The following EPG5 variants were observed in gnomAD, a reference collection of about 807,000 sequenced individuals.
The protein encoded by EPG5 is ectopic P-granules 5 autophagy tethering factor, also known as ectopic P granules protein 5 homolog.
Under a neutral mutation model 302.7 loss-of-function variants are expected in EPG5, and 159 were observed. The ratio of observed to expected loss-of-function variants is 0.53; its 90% CI spans 0.46 to 0.60. The LOEUF is 0.60. Ranked by LOEUF, EPG5 falls within the 20% of genes least tolerant of loss-of-function variation. The pLI is 0.00. For missense variants in EPG5, 2,896 were observed against 3,092.4 expected, an observed-to-expected ratio of 0.94 and a Z score of 1.51; for synonymous variants, 1,158 against 1,136.8, an observed-to-expected ratio of 1.02 and a Z score of -0.37.
At chr18:45,815,333 A>G in the EPG5 span, among the ~76,000 whole-genome samples, 3 of 152,178 alleles carry the variant, frequency 2.0e-5, no homozygotes, top group Non-Finnish European at 4.4e-5. Flanking sequence ...AGAACTCACT[A>G]CAAGTTATTT....
chr18:45,940,177 C>T (rs1196006932), intron 9 of EPG5, among the ~76,000 whole-genome samples: 7 of 152,032 alleles, frequency 4.6e-5, no homozygotes, highest in Non-Finnish European at 7.4e-5. Context: ...AGAGTGTCCA[C>T]GTAGAAGAAA....
chr18:45,811,386 G>C, the EPG5 span, among the ~76,000 whole-genome samples: 4 of 152,210 alleles, frequency 2.6e-5, no homozygotes, highest in African/African-American at 9.7e-5. Context: ...AATAGAGAAA[G>C]AGGGAATCCT....
At chr18:45,879,898 A>G in intron 32 of EPG5, among the ~76,000 whole-genome samples, 177 bp downstream of exon 32, 1 of 152,140 alleles carries the variant, frequency 6.6e-6, no homozygotes, top group East Asian at 1.9e-4. Context: ...AATTAGACTC[A>G]GGGGAATGGG....
intron 27 of EPG5, among the ~76,000 whole-genome samples, chr18:45,896,507 T>C (rs2049479725): frequency 6.6e-6 from 1 of 152,166 alleles, no homozygotes; most frequent in Non-Finnish European, 1.5e-5. Context: ...TCATTACTTT[T>C]CCCCCTTCTT....
chr18:45,966,587 T>C (rs1051018933), intron 1 of EPG5, among the ~76,000 whole-genome samples: 2 of 152,040 alleles, frequency 1.3e-5, no homozygotes, highest in African/African-American at 4.8e-5. Flanking sequence ...ATTCAAACAC[T>C]TCCCTACTGT....
chr18:45,954,885 T>C lies in EPG5; in HGVS notation c.517A>G (p.Arg173Gly). 1 of 1,614,022 alleles carries C rather than the reference T, an allele frequency of 6.2e-7. No homozygotes were observed. Among genetic ancestry groups the C allele is most frequent in the East Asian group, 2.2e-5 (1 of 44,874 alleles). Residue 173 changes from arginine (R) to glycine (G), a missense_variant, in exon 2 of 44, where the codon AGA (arginine) becomes GGA (glycine). Coordinates refer to ENST00000282041, the MANE Select transcript of EPG5 (RefSeq NM_020964.3). Reference sequence around the variant, plus strand: ...TCTTCTTTACTATTCTGAGTTTCTCTGACTTGTATATTTTCCATTGCTGGC... The same window carrying C: ...TCTTCTTTACTATTCTGAGTTTCTCCGACTTGTATATTTTCCATTGCTGGC... ...TQPAMENIQV[R>G]ETQNSKEDKQ...
chr18:45,842,189 G>A, the EPG5 span: 1 of 1,614,006 alleles, frequency 6.2e-7, no homozygotes, highest in East Asian at 2.2e-5. Flanking sequence ...TCACCGTGAG[G>A]AGTCCCTCAG....
At chr18:45,920,601 T>G (rs1294515284) in intron 16 of EPG5, among the ~76,000 whole-genome samples, 6 of 152,192 alleles carry the variant, frequency 3.9e-5, no homozygotes, top group Non-Finnish European at 8.8e-5. Context: ...AGAGATCACA[T>G]GGTGAGACAG....
At chr18:45,927,318 C>A (rs1201022659) in intron 13 of EPG5, among the ~76,000 whole-genome samples, 1 of 152,110 alleles carries the variant, frequency 6.6e-6, no homozygotes, top group East Asian at 1.9e-4. Context: ...GGATTACAGG[C>A]GTAAGCCACT....
At chr18:45,807,036 G>T in the EPG5 span, among the ~76,000 whole-genome samples, 2 of 152,190 alleles carry the variant, frequency 1.3e-5, no homozygotes, top group Non-Finnish European at 2.9e-5. Flanking sequence ...GCGGGGGGCA[G>T]GGGGCACAGT....
chr18:45,832,142 G>C, the EPG5 span, among the ~76,000 whole-genome samples: 1 of 152,214 alleles, frequency 6.6e-6, no homozygotes, highest in African/African-American at 2.4e-5. Flanking sequence ...TGGAGCATTT[G>C]CTGTGTGTGA....
intron 6 of EPG5, 145 bp downstream of exon 6, chr18:45,948,358 C>T (rs1364635262): frequency 1.5e-6 from 1 of 669,356 alleles, no homozygotes; most frequent in African/African-American, 1.8e-5. Flanking sequence ...AAGTATCAAA[C>T]CCAAAGAAAA....
chr18:45,820,427 TGGCCCTGGTTCTGG>T, the EPG5 span, among the ~76,000 whole-genome samples: 1 of 152,212 alleles, frequency 6.6e-6, no homozygotes, highest in Admixed American at 6.5e-5. Context: ...GCCTTGTAGC[TGGCCCTGGTTCTGG>T]GGCCCACTGA....
chr18:45,946,729 C>T lies in EPG5; in HGVS notation c.1611G>A (p.Glu537=). The part of the protein sequence containing the change: ...AEFMCHMKPS[E]RKPSSSGPGS... ...CAGGCCCTGAGGAGGATGGCTTCCG[C>T]TCGCTGGGCTTCATGTGGCACATAA... The change falls in exon 7 of 44, where the codon GAG becomes GAA. Residue 537 remains glutamate, a synonymous_variant. Transcript: ENST00000282041. 6.2e-7 allele frequency: 1 copy of T among 1,614,198 alleles called. No individual in the cohort carries two copies. The highest frequency in any genetic ancestry group is 8.5e-7 in the Non-Finnish European group (1 of 1,180,042).
intron 23 of EPG5, among the ~76,000 whole-genome samples, chr18:45,909,994 A>C (rs1012188268): frequency 6.6e-6 from 1 of 152,088 alleles, no homozygotes; most frequent in African/African-American, 2.4e-5. Flanking sequence ...TATTCTAGCA[A>C]GGTTTTTTTG....
Position 45,948,446 on chromosome 18 carries a change from T to C in EPG5, c.1571+57A>G, listed in dbSNP as rs953716781. ...GGATCTAGGCAGTTTCAGGAGCCAA[T>C]CCTTTAGAAGAAAGAAGCATTTCAA... On this transcript the variant is annotated intron_variant, in intron 6 of 43. Coordinates refer to ENST00000282041, the MANE Select transcript of EPG5 (RefSeq NM_020964.3). The C allele has an allele frequency of 6.5e-6, 9 of 1,385,506 alleles. No individual in the cohort carries two copies. The Admixed American group carries it at 1.5e-4, about 23-fold the overall frequency. The allele number at this position is 1,385,506 out of a possible 1,614,324, so 85.8% of individuals were successfully genotyped here. A position where few individuals can be genotyped will look rare whatever the true frequency, so the allele number is the denominator to read the frequency against.
chr18:45,952,295 G>T (rs1222765459), intron 3 of EPG5, 105 bp downstream of exon 3: 1 of 1,366,914 alleles, frequency 7.3e-7, no homozygotes, highest in East Asian at 2.3e-5. Flanking sequence ...AAGCACAAAT[G>T]GTACCTTGTA....
intron 7 of EPG5, among the ~76,000 whole-genome samples, chr18:45,944,889 C>G (rs1266147895): frequency 2.0e-5 from 3 of 152,182 alleles, no homozygotes; most frequent in African/African-American, 7.2e-5. Flanking sequence ...GACTAAAGTT[C>G]TGTTGTCAAT....
At chr18:45,949,682 A>G (rs2050861810) in intron 4 of EPG5, 91 bp from the exon 5 acceptor site, 1 of 713,228 alleles carries the variant, frequency 1.4e-6, no homozygotes, top group East Asian at 2.8e-5. Context: ...CAGTGCTTCA[A>G]TACATGCAAT....
Sources: allele counts gnomAD v4.1 joint callset (sites outside exome capture counted in the v4.1 genomes callset), GRCh38; gene constraint gnomAD v4.1.1; transcripts MANE v1.5; gene names NCBI Gene and HGNC (gene_info 2026-07-23, HGNC 2026-07-21).